EXT2: variants seen among roughly 807,000 people sequenced by gnomAD.
EXT2 encodes exostosin-2.
A neutral mutation model predicts 81.6 loss-of-function variants in EXT2; 53 were observed. The observed-to-expected ratio is 0.65, with a 90% CI of 0.52 to 0.82. The LOEUF (loss-of-function observed/expected upper bound fraction) is 0.82, where lower values mean the gene tolerates loss of function less well. EXT2 is among the 40% of genes least tolerant of loss of function. The probability of loss-of-function intolerance (pLI) is 0.00; values close to 1 mark genes in which losing one functional copy is unlikely to be tolerated. For missense variants in EXT2, 774 were observed against 910.2 expected (o/e 0.85, Z 1.93); for synonymous variants, 320 against 340.0 (o/e 0.94, Z 0.65).
intron 7 of EXT2, among the ~76,000 whole-genome samples, chr11:44,139,344 T>TA (rs1469366889): frequency 1.3e-5 from 2 of 152,082 alleles, no homozygotes; most frequent in African/African-American, 4.8e-5. Flanking sequence ...TTTTTTTAAT[T>TA]AAAAAAACTT....
chr11:44,238,353 T>C (rs1040019509), intron 13 of EXT2, among the ~76,000 whole-genome samples: 1 of 152,184 alleles, frequency 6.6e-6, no homozygotes, highest in Non-Finnish European at 1.5e-5. Context: ...AACTAGTTCT[T>C]AAATTTTTTG....
chr11:44,198,498 G>A (rs1297912444), intron 9 of EXT2, among the ~76,000 whole-genome samples: 1 of 152,122 alleles, frequency 6.6e-6, no homozygotes, highest in Non-Finnish European at 1.5e-5. Context: ...GTTCCCATTG[G>A]TTCTTCCTTA....
intron 7 of EXT2, among the ~76,000 whole-genome samples, chr11:44,161,587 A>G (rs1417336752): frequency 6.6e-6 from 1 of 152,166 alleles, no homozygotes; most frequent in African/African-American, 2.4e-5. Flanking sequence ...AGTGTGCTAA[A>G]TTCTTTGATA....
chr11:44,169,924 T>C (rs1484996953), intron 7 of EXT2, among the ~76,000 whole-genome samples: 2 of 152,062 alleles, frequency 1.3e-5, no homozygotes, highest in Non-Finnish European at 2.9e-5. Flanking sequence ...AAACTTGAAA[T>C]ACTTACATAT....
chr11:44,147,775 C>CTTTTTTTTTTTTTT (rs66961451), intron 7 of EXT2, among the ~76,000 whole-genome samples: 3 of 103,394 alleles, frequency 2.9e-5, no homozygotes, highest in African/African-American at 1.2e-4. Context: ...TCCACATTGT[C>CTTTTTTTTTTTTTT]TTTTTTTTTT....
intron 8 of EXT2, among the ~76,000 whole-genome samples, chr11:44,192,185 C>A (rs11037898): frequency 6.6e-6 from 1 of 152,142 alleles, no homozygotes; most frequent in Non-Finnish European, 1.5e-5. Context: ...TTTGCACATG[C>A]CGCTCAGCTT....
At chr11:44,172,903 A>G (rs558934497) in intron 8 of EXT2, among the ~76,000 whole-genome samples, 4 of 152,300 alleles carry the variant, frequency 2.6e-5, no homozygotes, top group South Asian at 4.1e-4. Context: ...ATAGTGCTGT[A>G]TATGGCTACC....
chr11:44,126,692 T>A, intron 5 of EXT2, 124 bp from the exon 6 acceptor site: 1 of 1,185,700 alleles, frequency 8.4e-7, no homozygotes, highest in South Asian at 1.2e-5. Flanking sequence ...TTGGCATTTT[T>A]GTGTCAAGAT....
intron 8 of EXT2, among the ~76,000 whole-genome samples, chr11:44,191,428 C>T (rs1955390276): frequency 6.6e-6 from 1 of 152,178 alleles, no homozygotes; most frequent in Non-Finnish European, 1.5e-5. Context: ...GGCATAGCTG[C>T]GATAGATGAG....
rs753542290 is a variant in EXT2 at position 44,171,687 on chromosome 11, G to T, written c.1250G>T (p.Arg417Leu). 6.2e-7 allele frequency: 1 copy of T among 1,613,942 alleles called. No homozygotes were observed. Among genetic ancestry groups the T allele is most frequent in the African/African-American group, 1.3e-5 (1 of 74,922 alleles). Residue 417 changes from arginine to leucine, a missense_variant, in exon 8 of 14, where the codon CGG (arginine) becomes CTG (leucine). By Grantham distance (102) the Arg-to-Leu change is moderately radical. Around this residue, in one of 2 missense-constraint regions of EXT2, gnomAD observed 626 missense variants for 670.5 expected, o/e 0.93. Transcript: ENST00000533608. ...GCCACCCTGCAGATTATCAATGACC[G>T]GATCTATCCATATGCTGCCATCTCC... ...ALATLQIIND[R>L]IYPYAAISYE...
intron 8 of EXT2, among the ~76,000 whole-genome samples, chr11:44,172,590 T>A (rs1234250662): frequency 2.0e-5 from 3 of 150,824 alleles, no homozygotes; most frequent in African/African-American, 7.3e-5. Flanking sequence ...TTTCTTTTTT[T>A]TTTTTTTTTT....
intron 7 of EXT2, chr11:44,144,189 C>G: frequency 6.8e-7 from 1 of 1,475,812 alleles, no homozygotes; most frequent in Non-Finnish European, 9.4e-7. Flanking sequence ...AAGTTGTGCT[C>G]TTATTTATTT....
At chr11:44,144,590 A>T (rs779291485) in intron 7 of EXT2, among the ~76,000 whole-genome samples, 14 of 152,224 alleles carry the variant, frequency 9.2e-5, no homozygotes, top group Non-Finnish European at 1.6e-4. Context: ...GGGTTTCAGC[A>T]GTTGGGAAAA....
chr11:44,244,087 T>C (rs1029599831), intron 13 of EXT2, 62 bp from the exon 14 acceptor site: 2 of 1,448,862 alleles, frequency 1.4e-6, no homozygotes, highest in East Asian at 4.5e-5. Context: ...CTTTTCTCCC[T>C]GCCCCCATCC....
At position 44,247,995 on chromosome 11, in the gene EXT2, G is replaced by T. The variant is rs1404120020; in HGVS notation, c.*3708G>T. ...AGAGACTGGGTTTGGGAAGTGGTTG[G>T]GTTCTGGGAAGGCTCTTCCTAGCTC... is the stretch of plus-strand genomic sequence containing the variant. On this transcript the variant is annotated 3_prime_UTR_variant, in exon 14 of 14. Coordinates refer to ENST00000533608, the MANE Select transcript of EXT2 (RefSeq NM_207122.2). Among the ~76,000 whole-genome samples the T allele has an allele frequency of 2.0e-5, 3 of 152,200 alleles. No individual in the cohort carries two copies. Among genetic ancestry groups the T allele is most frequent in the African/African-American group, 7.2e-5 (3 of 41,452 alleles).
In EXT2 at chr11:44,247,335, C is replaced by T. The variant is rs949599926; in HGVS notation, c.*3048C>T. Among the ~76,000 whole-genome samples, 1 of 151,464 alleles carries T rather than the reference C, an allele frequency of 6.6e-6. No individual in the cohort carries two copies. The highest frequency in any genetic ancestry group is 1.5e-5 in the Non-Finnish European group (1 of 67,924). On this transcript the variant is annotated 3_prime_UTR_variant, in exon 14 of 14. Transcript: ENST00000533608. ...CATGGTCTCGGCTCACTACATCCTC[C>T]GCCTCCCAGGTTCAAGTGATTCTCC...
chr11:44,142,123 A>G (rs1243977100), intron 7 of EXT2, among the ~76,000 whole-genome samples: 1 of 152,220 alleles, frequency 6.6e-6, no homozygotes, highest in Non-Finnish European at 1.5e-5. Context: ...TATTGGCAAC[A>G]ACAGAAACAT....
At chr11:44,131,364 A>C (rs550990346) in intron 7 of EXT2, among the ~76,000 whole-genome samples, 22 of 152,166 alleles carry the variant, frequency 1.4e-4, no homozygotes, top group Non-Finnish European at 3.1e-4. Context: ...ATCGACACAG[A>C]TTAAGTCTGT....
intron 5 of EXT2, 34 bp downstream of exon 5, chr11:44,125,018 A>C: frequency 6.2e-7 from 1 of 1,602,964 alleles, no homozygotes; most frequent in South Asian, 1.1e-5. Context: ...GCAAAGGCTC[A>C]GGAGAGTTTG....
Sources: allele counts gnomAD v4.1 joint callset (sites outside exome capture counted in the v4.1 genomes callset), GRCh38; gene constraint gnomAD v4.1.1; regional missense constraint gnomAD v4.1.1; transcripts MANE v1.5; gene names NCBI Gene and HGNC (gene_info 2026-07-23, HGNC 2026-07-21).